Variants in PM20D2 observed in about 807,000 individuals in gnomAD.
PM20D2 encodes xaa-Arg dipeptidase.
PM20D2 carries 33 observed loss-of-function variants against 42.9 expected under a neutral mutation model. That is an observed-to-expected ratio of 0.77 (90% CI 0.58 to 1.03). PM20D2 has a LOEUF of 1.03. Ranked by LOEUF, PM20D2 falls within the 50% of genes least tolerant of loss-of-function variation. The pLI is 0.00. For synonymous variants in PM20D2, 250 were observed against 228.2 expected, an observed-to-expected ratio of 1.10 and a Z score of -0.86; for missense variants, 548 against 557.0, an observed-to-expected ratio of 0.98 and a Z score of 0.16.
upstream of PM20D2, chr6:89,145,905 C>A: frequency 2.6e-6 from 1 of 389,734 alleles, no homozygotes; most frequent in South Asian, 1.1e-4. Context: ...CCTGCCTTCT[C>A]CACAGCACCC....
At chr6:89,144,160 T>TACCC (rs1582323915), upstream of PM20D2, among the ~76,000 whole-genome samples, 2 of 149,578 alleles carry the variant, frequency 1.3e-5, no homozygotes, top group Admixed American at 6.7e-5. Flanking sequence ...TGGGCATGTA[T>TACCC]ACCCACCCAC....
chr6:89,117,774 T>G, the PM20D2 span: 15 of 1,509,626 alleles, frequency 9.9e-6, no homozygotes, highest in Non-Finnish European at 1.3e-5. Context: ...GGCGCGGCTG[T>G]TACCCCGCCC....
the PM20D2 span, among the ~76,000 whole-genome samples, chr6:89,117,195 G>T: frequency 2.0e-5 from 3 of 152,144 alleles, no homozygotes; most frequent in Non-Finnish European, 4.4e-5. Context: ...CCCTTAAAAA[G>T]GGTGTTAATA....
At chr6:89,129,588 ATTTTTTTTT>A in the PM20D2 span, among the ~76,000 whole-genome samples, 23 of 106,698 alleles carry the variant, frequency 2.2e-4, no homozygotes, top group African/African-American at 8.0e-4. Flanking sequence ...TCTGTTTCTA[ATTTTTTTTT>A]TTTTTTTTTT....
chr6:89,106,801 T>G, the PM20D2 span: 3 of 358,216 alleles, frequency 8.4e-6, no homozygotes, highest in East Asian at 2.2e-4. Context: ...TCTGAGTAAA[T>G]GTAGGAAAGC....
chr6:89,105,067 T>C, the PM20D2 span: 2 of 1,519,650 alleles, frequency 1.3e-6, no homozygotes, highest in Non-Finnish European at 1.8e-6. Context: ...AAAATATATA[T>C]CTATTTCCCA....
chr6:89,094,468 AC>A, the PM20D2 span, among the ~76,000 whole-genome samples: 1 of 148,308 alleles, frequency 6.7e-6, no homozygotes, highest in East Asian at 2.0e-4. Flanking sequence ...GATCTGCCCC[AC>A]CCCCCGGAAC....
At chr6:89,098,718 G>A in the PM20D2 span, 2 of 1,613,972 alleles carry the variant, frequency 1.2e-6, no homozygotes, top group Non-Finnish European at 1.7e-6. Context: ...GAGTCAGAAT[G>A]TCTTCCATGT....
chr6:89,130,819 C>CTTTTTTTTTTTTTTTTTTTTTTTTTT, the PM20D2 span, among the ~76,000 whole-genome samples: 3 of 24,058 alleles, frequency 1.2e-4, no homozygotes, highest in East Asian at 1.8e-3. Context: ...GCTTCTTCTT[C>CTTTTTTTTTTTTTTTTTTTTTTTTTT]TTTTTTTTTT....
At chr6:89,105,241 T>C in the PM20D2 span, 1 of 1,611,068 alleles carries the variant, frequency 6.2e-7, no homozygotes, top group Non-Finnish European at 8.5e-7. Context: ...GACGTTCTTT[T>C]GATTTCATTT....
chr6:89,160,198 T>C (rs1426216093), intron 5 of PM20D2, among the ~76,000 whole-genome samples: 1 of 152,216 alleles, frequency 6.6e-6, no homozygotes, highest in Non-Finnish European at 1.5e-5. Flanking sequence ...TCTGGCACAG[T>C]TAAGTGCTTA....
chr6:89,140,601 A>C, the PM20D2 span, among the ~76,000 whole-genome samples: 1 of 152,328 alleles, frequency 6.6e-6, no homozygotes, highest in South Asian at 2.1e-4. Context: ...CCTAAGCCAT[A>C]ACGGTAGGAG....
chr6:89,098,714 G>A, the PM20D2 span: 2 of 1,613,952 alleles, frequency 1.2e-6, no homozygotes, highest in Non-Finnish European at 1.7e-6. Flanking sequence ...TATTGAGTCA[G>A]AATGTCTTCC....
chr6:89,145,046 T>G (rs1478210692), upstream of PM20D2, among the ~76,000 whole-genome samples: 1 of 152,246 alleles, frequency 6.6e-6, no homozygotes, highest in Admixed American at 6.5e-5. Flanking sequence ...CACATTAATA[T>G]ATTGTGTCCC....
At chr6:89,140,242 C>A in the PM20D2 span, among the ~76,000 whole-genome samples, 1 of 152,142 alleles carries the variant, frequency 6.6e-6, no homozygotes, top group African/African-American at 2.4e-5. Flanking sequence ...AGCACCAGTC[C>A]TGTCCTATTT....
At chr6:89,150,583 A>T (rs1441661888) in intron 2 of PM20D2, among the ~76,000 whole-genome samples, 2 of 123,232 alleles carry the variant, frequency 1.6e-5, no homozygotes, top group Non-Finnish European at 3.1e-5. Context: ...TCAATTGCTC[A>T]GACTGGAGTG....
the PM20D2 span, chr6:89,105,016 C>T: frequency 1.6e-6 from 2 of 1,219,894 alleles, no homozygotes; most frequent in Non-Finnish European, 2.2e-6. Flanking sequence ...TGATCGCACA[C>T]TACTGCACTC....
chr6:89,160,354 A>G (rs1172946397), intron 5 of PM20D2, among the ~76,000 whole-genome samples: 4 of 152,242 alleles, frequency 2.6e-5, no homozygotes, highest in African/African-American at 9.6e-5. Context: ...CATGTTTAAA[A>G]TGGAAACTGT....
chr6:89,134,221 A>G, the PM20D2 span, among the ~76,000 whole-genome samples: 9 of 151,134 alleles, frequency 6.0e-5, no homozygotes, highest in Non-Finnish European at 1.3e-4. Flanking sequence ...AGCCATCCTG[A>G]TCTCAATCCT....
Sources: allele counts gnomAD v4.1 joint callset (sites outside exome capture counted in the v4.1 genomes callset), GRCh38; gene constraint gnomAD v4.1.1; transcripts MANE v1.5; gene names NCBI Gene and HGNC (gene_info 2026-07-23, HGNC 2026-07-21).